Variants in TNKS1BP1 observed in about 807,000 individuals in gnomAD.
The protein encoded by TNKS1BP1 is CCR4-NOT transcription complex subunit 12, also known as 182 kDa tankyrase-1-binding protein.
TNKS1BP1 carries 48 observed loss-of-function variants against 141.1 expected under a neutral mutation model. The observed-to-expected ratio is 0.34, with a 90% CI of 0.27 to 0.43. The LOEUF (loss-of-function observed/expected upper bound fraction) is 0.43, where lower values mean the gene tolerates loss of function less well. Ranked by LOEUF, TNKS1BP1 falls within the 20% of genes least tolerant of loss-of-function variation. The pLI, the probability that TNKS1BP1 is intolerant of heterozygous loss-of-function variation, is 1.00. For synonymous variants in TNKS1BP1, 875 were observed against 898.2 expected, an observed-to-expected ratio of 0.97 and a Z score of 0.46; for missense variants, 2,149 against 2,226.0, an observed-to-expected ratio of 0.97 and a Z score of 0.70.
Position 57,302,134 on chromosome 11 carries a change from C to G in TNKS1BP1, c.4774G>C (p.Gly1592Arg), listed in dbSNP as rs145115950. ...GHRAPVIRPGGTLGLSEAADS... is the reference protein window; with the variant it reads ...GHRAPVIRPGRTLGLSEAADS... ...GCTGCCTCCGACAGGCCCAAGGTAC[C>G]CCCAGGCCGAATGACCGGGGCCCGG... The change falls in exon 8 of 12, where the codon GGT becomes CGT. Residue 1592 changes from glycine to arginine, a missense_variant. Physicochemically the swap from Gly to Arg is moderately radical, Grantham distance 125. Coordinates refer to ENST00000358252, the MANE Select transcript of TNKS1BP1 (RefSeq NM_033396.3). This position sits in a 1 kb window ranked among gnomAD's most constrained non-coding sequence, Gnocchi z 5.5. The G allele has an allele frequency of 3.1e-6, 5 of 1,613,886 alleles. No homozygotes were observed. Among genetic ancestry groups the G allele is most frequent in the Non-Finnish European group, 4.2e-6 (5 of 1,180,004 alleles).
chr11:57,309,492 A>T lies in TNKS1BP1; in HGVS notation c.3219T>A (p.Ser1073Arg), dbSNP rs1006026331. ...RQQAGAQGPG[S>R]ADLEDGEMGK... The stretch of plus-strand genomic sequence containing the variant: ...CCATCTCCCCATCTTCCAGGTCAGC[A>T]CTGCCAGGGCCCTGAGCCCCTGCCT... The change falls in exon 6 of 12, where the codon AGT becomes AGA. Residue 1073 changes from serine (S) to arginine (R), a missense_variant. Physicochemically the swap from Ser to Arg is moderately radical, Grantham distance 110 (BLOSUM62 -1). Transcript: ENST00000358252. The surrounding 1 kb of genome is among the most constrained non-coding windows in gnomAD (Gnocchi z 4.3). The T allele has an allele frequency of 3.1e-6, 5 of 1,613,844 alleles. No homozygotes were observed. In the African/African-American group the frequency reaches 6.7e-5, roughly 22 times the overall value.
At position 57,309,092 on chromosome 11, in the gene TNKS1BP1, C is replaced by A. The variant is rs1011099768; in HGVS notation, c.3619G>T (p.Gly1207Cys). The part of the protein sequence containing the change: ...GLSLRDMNLT[G>C]CLESGGSEEP... ...TCAGACCCTCCACTTTCCAAACAGCCGGTCAGGTTCATGTCTCTCAAGCTC... is the reference window on the plus strand; with the variant it reads ...TCAGACCCTCCACTTTCCAAACAGCAGGTCAGGTTCATGTCTCTCAAGCTC... Residue 1207 changes from glycine to cysteine, a missense_variant, in exon 6 of 12, where the codon GGC becomes TGC. By Grantham distance (159) the Gly-to-Cys change is radical (BLOSUM62 -3). Coordinates refer to ENST00000358252, the MANE Select transcript of TNKS1BP1 (RefSeq NM_033396.3). The surrounding 1 kb of genome is among the most constrained non-coding windows in gnomAD (Gnocchi z 4.3). 3 of 1,614,184 alleles carry A rather than the reference C, an allele frequency of 1.9e-6. No individual in the cohort carries two copies. Among genetic ancestry groups the A allele is most frequent in the Non-Finnish European group, 2.5e-6 (3 of 1,180,030 alleles).
chr11:57,314,800 C>T (rs1003323103), intron 4 of TNKS1BP1, among the ~76,000 whole-genome samples: 1 of 152,124 alleles, frequency 6.6e-6, no homozygotes, highest in Admixed American at 6.5e-5. Context: ...GGTCACACTT[C>T]CCTGGCCGCC....
In TNKS1BP1 at chr11:57,321,189, C is replaced by A. The variant is rs570848171; in HGVS notation, c.95-477G>T. Among the ~76,000 whole-genome samples, 7 of 152,268 alleles carry A rather than the reference C, an allele frequency of 4.6e-5. No individual in the cohort carries two copies. In the South Asian group the frequency reaches 1.5e-3, roughly 32 times the overall value. ...ATCTCAGCTGAGCTTCTCTATCCTG[C>A]CTCCAGGCTGCCTCCTCCCCCACCC... On this transcript the variant is annotated intron_variant, in intron 2 of 11. Coordinates refer to ENST00000358252, the MANE Select transcript of TNKS1BP1 (RefSeq NM_033396.3).
intron 2 of TNKS1BP1, among the ~76,000 whole-genome samples, chr11:57,321,250 T>C (rs1209078425): frequency 6.6e-6 from 1 of 152,022 alleles, no homozygotes; most frequent in Non-Finnish European, 1.5e-5. Context: ...CACTGTCATC[T>C]GGTGTGTGAC....
At chr11:57,321,744 T>TGGGGGGG in intron 2 of TNKS1BP1, 48 bp downstream of exon 2, 6 of 1,039,806 alleles carry the variant, frequency 5.8e-6, no homozygotes, top group Non-Finnish European at 8.9e-6. Context: ...CCTCTGTCCT[T>TGGGGGGG]CCCACCCCCC....
At position 57,313,061 on chromosome 11, in the gene TNKS1BP1, C is replaced by G. The variant is rs1440508493; in HGVS notation, c.1627G>C (p.Val543Leu). The change falls in exon 5 of 12, where the codon GTG becomes CTG. Residue 543 changes from valine (V) to leucine (L), a missense_variant. Coordinates refer to ENST00000358252, the MANE Select transcript of TNKS1BP1 (RefSeq NM_033396.3). The stretch of plus-strand genomic sequence containing the variant: ...GACATGCTTGGATCATCCCCCTGCA[C>G]CCAGGAACTTCCTGACCCACTTGGA... ...SAPSGSGSSWVQGDDPSMSLT... is the reference protein window; with the variant it reads ...SAPSGSGSSWLQGDDPSMSLT... The G allele has an allele frequency of 6.2e-7, 1 of 1,613,802 alleles. No individual in the cohort carries two copies. Among genetic ancestry groups the G allele is most frequent in the African/African-American group, 1.3e-5 (1 of 75,058 alleles).
rs760524520 is a variant in TNKS1BP1, at chr11:57,308,907, G to C, written c.3804C>G (p.Phe1268Leu). 5.0e-6 allele frequency: 8 copies of C among 1,613,856 alleles called. No individual in the cohort carries two copies. In the East Asian group the frequency reaches 1.8e-4, roughly 36 times the overall value. Residue 1268 changes from phenylalanine (F) to leucine (L), a missense_variant, in exon 6 of 12, where the codon TTC (phenylalanine) becomes TTG (leucine). By Grantham distance (22) the Phe-to-Leu change is conservative (BLOSUM62 0). Coordinates refer to ENST00000358252, the MANE Select transcript of TNKS1BP1 (RefSeq NM_033396.3). ...TDWSGVEAGE[F>L]LKSRERGVGQ... ...CAACTCCACGCTCCCTTGATTTAAG[G>C]AACTCTCCGGCCTCCACACCTGACC...
rs780973701 is a variant in TNKS1BP1, at chr11:57,312,918, G to A, written c.1770C>T (p.Tyr590=). Residue 590 remains tyrosine (Y), a synonymous_variant, in exon 5 of 12, where the codon TAC becomes TAT. Coordinates refer to ENST00000358252, the MANE Select transcript of TNKS1BP1 (RefSeq NM_033396.3). ...GTCCAGCCAAGGGCTCCTGCGACTCGTATCTCTCCTCTGCCTGCTGCAAAG... is the reference window on the plus strand; with the variant it reads ...GTCCAGCCAAGGGCTCCTGCGACTCATATCTCTCCTCTGCCTGCTGCAAAG... ...GLPLQQAEER[Y]ESQEPLAGQE... The A allele has an allele frequency of 2.9e-5, 46 of 1,611,846 alleles. No homozygotes were observed. The highest frequency in any genetic ancestry group is 1.1e-4 in the East Asian group (5 of 44,820).
At position 57,309,177 on chromosome 11, in the gene TNKS1BP1, A is replaced by G; in HGVS notation, c.3534T>C (p.Ser1178=). The G allele has an allele frequency of 1.2e-6, 2 of 1,614,102 alleles. 1 individual carries two copies. Among genetic ancestry groups the G allele is most frequent in the South Asian group, 2.2e-5 (2 of 91,078 alleles). Residue 1178 remains serine (S), a synonymous_variant, in exon 6 of 12, where the codon TCT becomes TCC. Coordinates refer to ENST00000358252, the MANE Select transcript of TNKS1BP1 (RefSeq NM_033396.3). This position sits in a 1 kb window ranked among gnomAD's most constrained non-coding sequence, Gnocchi z 4.3. The stretch of plus-strand genomic sequence containing the variant: ...TCTCCCTGGCCTCGCTCGAGCCCCC[A>G]GAACCCACACAGCTGGACACTTCCA... The part of the protein sequence containing the change: ...RNLEVSSCVG[S]GGSSEARESA...
At chr11:57,322,985 T>C (rs1452368526) in intron 1 of TNKS1BP1, among the ~76,000 whole-genome samples, 1 of 152,202 alleles carries the variant, frequency 6.6e-6, no homozygotes, top group Non-Finnish European at 1.5e-5. Context: ...GATTCAGTGC[T>C]GGGTGGGTCT....
At chr11:57,307,089 C>T (rs1438782564) in intron 6 of TNKS1BP1, among the ~76,000 whole-genome samples, 2 of 152,102 alleles carry the variant, frequency 1.3e-5, no homozygotes, top group Non-Finnish European at 2.9e-5. Context: ...CTGTGAAGAT[C>T]AATGAGGTAA....
intron 2 of TNKS1BP1, 32 bp downstream of exon 2, chr11:57,321,760 G>A: frequency 9.6e-7 from 1 of 1,038,536 alleles, no homozygotes; most frequent in Non-Finnish European, 1.4e-6. Context: ...CCCCCTCCCA[G>A]CCACCTGGCT....
In TNKS1BP1 at chr11:57,302,321, G is replaced by A. The variant is rs1006125560; in HGVS notation, c.4684-97C>T. 9 of 1,539,934 alleles carry A rather than the reference G, an allele frequency of 5.8e-6. No individual in the cohort carries two copies. The highest frequency in any genetic ancestry group is 2.3e-5 in the East Asian group (1 of 42,568). ...CAGGAGCTGGACCCCTCCTGCAGCC[G>A]GAGCTTCACGTTCACGTGACGCACC... On this transcript the variant is annotated intron_variant, in intron 7 of 11. Transcript: ENST00000358252. This position sits in a 1 kb window ranked among gnomAD's most constrained non-coding sequence, Gnocchi z 5.5.
intron 4 of TNKS1BP1, 124 bp from the exon 5 acceptor site, chr11:57,314,013 G>A (rs1042793708): frequency 1.3e-5 from 15 of 1,127,256 alleles, no homozygotes; most frequent in African/African-American, 1.6e-5. Flanking sequence ...ACTGGAACCC[G>A]AGGGGGTCCT....
chr11:57,300,586 GA>G lies in TNKS1BP1; in HGVS notation c.5143del (p.Ser1715ArgfsTer8), dbSNP rs771015331. On this transcript the variant is annotated frameshift_variant, in exon 11 of 12. Transcript: ENST00000358252. LOFTEE classifies it high-confidence loss of function. ...TTTCAGGGCTTGAAGCCAGTTGGGC[GA>G]CGATCCTTCTGACCTAGGAGGCAGA... The part of the protein sequence containing the change: ...PEKSSGSEGS[S>X]PNWLQALKLK... The G allele has an allele frequency of 6.2e-7, 1 of 1,614,220 alleles. No individual in the cohort carries two copies.
intron 10 of TNKS1BP1, 139 bp from the exon 11 acceptor site, chr11:57,300,739 A>C: frequency 1.3e-6 from 2 of 1,496,398 alleles, no homozygotes; most frequent in Non-Finnish European, 1.8e-6. Flanking sequence ...AAATTCTGAC[A>C]CCATCTTCAT....
In TNKS1BP1 at chr11:57,310,435, C is replaced by T. The variant is rs1855688206; in HGVS notation, c.2276G>A (p.Gly759Glu). ...TGGGTCTCCTCTAGGGCTTGCACCC[C>T]CAAGGCCATAGTCCTGAGAAGCACC... ...CQGASQDYGL[G>E]GASPRGDPGL... is the part of the protein sequence containing the mutation. The change falls in exon 6 of 12, where the codon GGG (glycine) becomes GAG (glutamate). Residue 759 changes from glycine (G) to glutamate (E), a missense_variant. Physicochemically the swap from Gly to Glu is moderately conservative, Grantham distance 98 (BLOSUM62 -2). Transcript: ENST00000358252. The T allele has an allele frequency of 6.2e-7, 1 of 1,613,776 alleles. No individual in the cohort carries two copies.
At chr11:57,320,977 C>G (rs564420063) in intron 2 of TNKS1BP1, among the ~76,000 whole-genome samples, 1 of 152,336 alleles carries the variant, frequency 6.6e-6, no homozygotes, top group Admixed American at 6.5e-5. Context: ...CCACCTGGCA[C>G]CTTACTTCTT....
Sources: gnomAD v4.1 joint callset for allele counts (sites outside exome capture counted in the v4.1 genomes callset) on GRCh38, gnomAD v4.1.1 for gene constraint, Gnocchi (gnomAD v3.1) non-coding constraint, MANE v1.5 for transcripts, NCBI Gene and HGNC (gene_info 2026-07-23, HGNC 2026-07-21) for gene names.